Variants in C8orf34 observed in about 807,000 individuals in gnomAD.
The protein encoded by C8orf34 is uncharacterized protein C8orf34.
Under a neutral mutation model 68.3 loss-of-function variants are expected in C8orf34, and 65 were observed. The ratio of observed to expected loss-of-function variants is 0.95; its 90% CI spans 0.78 to 1.17. The LOEUF (loss-of-function observed/expected upper bound fraction) is 1.17, where lower values mean the gene tolerates loss of function less well. Among genes scored for constraint, C8orf34 ranks in the 50% most tolerant of loss-of-function variants. The pLI, the probability that C8orf34 is intolerant of heterozygous loss-of-function variation, is 0.00. For missense variants in C8orf34, 664 were observed against 655.4 expected, an observed-to-expected ratio of 1.01 and a Z score of -0.14; for synonymous variants, 244 against 241.2, an observed-to-expected ratio of 1.01 and a Z score of -0.11.
rs1039536021 is a variant in C8orf34, at chr8:68,435,704, A to G, written c.328-3795A>G. Among the ~76,000 whole-genome samples, 3 of 152,194 alleles carry G rather than the reference A, an allele frequency of 2.0e-5. No individual in the cohort carries two copies. The East Asian group carries it at 5.8e-4, about 29-fold the overall frequency. On this transcript the variant is annotated intron_variant, in intron 1 of 13. Coordinates refer to ENST00000518698, the MANE Select transcript of C8orf34 (RefSeq NM_052958.4). ...TTCTTTCACTGGGAAACTCTAACTC[A>G]GATCATATGGAGATTCTGAGAATTC...
At chr8:68,787,901 T>C (rs192967428) in intron 12 of C8orf34, among the ~76,000 whole-genome samples, 15 of 152,358 alleles carry the variant, frequency 9.8e-5, no homozygotes, top group African/African-American at 3.6e-4. Flanking sequence ...TTATTATATA[T>C]GAAATTATAC....
intron 1 of C8orf34, among the ~76,000 whole-genome samples, chr8:68,370,919 T>C (rs1340590213): frequency 6.6e-6 from 1 of 152,208 alleles, no homozygotes; most frequent in African/African-American, 2.4e-5. Context: ...AGCTATCTCC[T>C]ACAGGGTCAC....
intron 7 of C8orf34, among the ~76,000 whole-genome samples, chr8:68,635,096 T>G (rs112404219): frequency 9.5e-4 from 145 of 152,278 alleles, no homozygotes; most frequent in African/African-American, 3.4e-3. Context: ...AAATTCTCAT[T>G]AAATACACTC....
chr8:68,609,449 A>G (rs1465281743), intron 7 of C8orf34, among the ~76,000 whole-genome samples: 1 of 152,194 alleles, frequency 6.6e-6, no homozygotes, highest in Non-Finnish European at 1.5e-5. Context: ...AATGAACTTC[A>G]TGAAAGAGAA....
chr8:68,331,990 C>A (rs977198390), intron 1 of C8orf34, among the ~76,000 whole-genome samples: 1 of 150,948 alleles, frequency 6.6e-6, no homozygotes, highest in African/African-American at 2.4e-5. Context: ...GTCCTTTGCA[C>A]TGCAGACCCC....
chr8:68,443,240 A>G, intron 2 of C8orf34, among the ~76,000 whole-genome samples: 1 of 152,126 alleles, frequency 6.6e-6, no homozygotes, highest in East Asian at 1.9e-4. Flanking sequence ...GAGGAAGAGG[A>G]AAAATTTTAG....
chr8:68,479,569 T>C (rs1367902855), intron 4 of C8orf34, among the ~76,000 whole-genome samples: 2 of 152,006 alleles, frequency 1.3e-5, no homozygotes, highest in Non-Finnish European at 2.9e-5. Context: ...ATACCAGAGA[T>C]GGAGGTTGGG....
chr8:68,811,559 C>G (rs1313244744), intron 12 of C8orf34, among the ~76,000 whole-genome samples: 1 of 152,228 alleles, frequency 6.6e-6, no homozygotes, highest in African/African-American at 2.4e-5. Flanking sequence ...GCAGCAGCCG[C>G]TCCAGATGGT....
intron 8 of C8orf34, among the ~76,000 whole-genome samples, chr8:68,696,134 T>C (rs1237270353): frequency 6.6e-6 from 1 of 151,154 alleles, no homozygotes; most frequent in Non-Finnish European, 1.5e-5. Flanking sequence ...CAACTATACT[T>C]GAGCCTGTGT....
intron 10 of C8orf34, among the ~76,000 whole-genome samples, chr8:68,775,317 T>C (rs1261116585): frequency 6.6e-6 from 1 of 152,166 alleles, no homozygotes; most frequent in Non-Finnish European, 1.5e-5. Context: ...TAAACACATA[T>C]GGTGTCCTAG....
intron 5 of C8orf34, among the ~76,000 whole-genome samples, chr8:68,497,736 A>T (rs1281600970): frequency 6.6e-6 from 1 of 152,224 alleles, no homozygotes; most frequent in Non-Finnish European, 1.5e-5. Context: ...ATATTGCTAA[A>T]TGAAAAAAGG....
At chr8:68,645,405 G>C (rs1404201907) in intron 8 of C8orf34, among the ~76,000 whole-genome samples, 2 of 152,076 alleles carry the variant, frequency 1.3e-5, no homozygotes, top group African/African-American at 2.4e-5. Flanking sequence ...ACATTAAAAT[G>C]CTAAGATATT....
Position 68,331,228 on chromosome 8 carries a change from G to C in C8orf34, c.216G>C (p.Pro72=). Residue 72 remains proline (P), a synonymous_variant, in exon 1 of 14, where the codon CCG becomes CCC. Transcript: ENST00000518698. ...RRVVPSGGAQ[P]RVLPALSSRS... ...TTGTCCCCAGCGGAGGCGCACAGCCGCGCGTTCTCCCTGCACTCTCTTCGC... is the reference window on the plus strand; with the variant it reads ...TTGTCCCCAGCGGAGGCGCACAGCCCCGCGTTCTCCCTGCACTCTCTTCGC... 1 of 1,536,102 alleles carries C rather than the reference G, an allele frequency of 6.5e-7. No homozygotes were observed. The highest frequency in any genetic ancestry group is 1.2e-5 in the South Asian group (1 of 84,052).
At chr8:68,693,744 T>C (rs1820747969) in intron 8 of C8orf34, among the ~76,000 whole-genome samples, 1 of 152,024 alleles carries the variant, frequency 6.6e-6, no homozygotes, top group Admixed American at 6.6e-5. Flanking sequence ...AGCACAATGG[T>C]TAAGAATTTG....
intron 8 of C8orf34, among the ~76,000 whole-genome samples, chr8:68,697,271 G>A (rs1206558254): frequency 6.6e-6 from 1 of 151,848 alleles, no homozygotes; most frequent in East Asian, 1.9e-4. Flanking sequence ...GATAGTTATT[G>A]TTACACTATT....
intron 2 of C8orf34, among the ~76,000 whole-genome samples, chr8:68,443,720 A>G (rs540729994): frequency 3.9e-5 from 6 of 152,148 alleles, no homozygotes; most frequent in South Asian, 2.1e-4. Flanking sequence ...GCATCTTTTA[A>G]TTAGCCAGAA....
chr8:68,597,575 GGTGTGTGTGT>G (rs36094218), intron 7 of C8orf34, among the ~76,000 whole-genome samples: 2 of 150,170 alleles, frequency 1.3e-5, no homozygotes, highest in South Asian at 4.2e-4. Flanking sequence ...ACATTGTGGT[GGTGTGTGTGT>G]GTGTGTGTGT....
chr8:68,402,147 T>C (rs1225136376), intron 1 of C8orf34, among the ~76,000 whole-genome samples: 2 of 152,154 alleles, frequency 1.3e-5, no homozygotes, highest in Non-Finnish European at 1.5e-5. Flanking sequence ...GATGTACGTT[T>C]CCAGGAATTT....
intron 4 of C8orf34, among the ~76,000 whole-genome samples, chr8:68,476,808 T>C (rs1812639047): frequency 6.6e-6 from 1 of 152,130 alleles, no homozygotes; most frequent in Admixed American, 6.5e-5. Context: ...TGTCAAAAGG[T>C]GAATCATAGG....
Sources: allele counts gnomAD v4.1 joint callset (sites outside exome capture counted in the v4.1 genomes callset), GRCh38; gene constraint gnomAD v4.1.1; transcripts MANE v1.5; gene names NCBI Gene and HGNC (gene_info 2026-07-23, HGNC 2026-07-21).